GDF1: variants seen among roughly 807,000 people sequenced by gnomAD.
The protein encoded by GDF1 is embryonic growth/differentiation factor 1.
Under a neutral mutation model 7.4 loss-of-function variants are expected in GDF1, and 8 were observed. That is an observed-to-expected ratio of 1.09 (90% CI 0.64 to 1.96). GDF1 has a LOEUF of 1.96. Among genes scored for constraint, GDF1 ranks in the 30% most tolerant of loss-of-function variants. The probability of loss-of-function intolerance (pLI) is 0.00; values close to 1 mark genes in which losing one functional copy is unlikely to be tolerated. For missense variants in GDF1, 574 were observed against 551.5 expected (o/e 1.04, Z -0.41); for synonymous variants, 311 against 276.7 (o/e 1.12, Z -1.23).
intron 6 of GDF1, among the ~76,000 whole-genome samples, chr19:18,873,351 A>G (rs1319053338): frequency 6.6e-6 from 1 of 151,672 alleles, no homozygotes; most frequent in African/African-American, 2.4e-5. Flanking sequence ...CCCAGAAGAG[A>G]AGGAGGCCAG....
chr19:18,884,332 C>CG (rs2056295908), intron 2 of GDF1, 65 bp from the exon 3 acceptor site: 3 of 1,476,822 alleles, frequency 2.0e-6, no homozygotes, highest in Admixed American at 2.1e-5. Context: ...CTCCATGACC[C>CG]GGTGACACCC....
intron 4 of GDF1, among the ~76,000 whole-genome samples, chr19:18,879,844 C>T (rs1410003562): frequency 1.4e-5 from 2 of 147,138 alleles, no homozygotes; most frequent in Admixed American, 6.8e-5. Context: ...CCCTGCACAG[C>T]GCCTCCCTTT....
In GDF1 at chr19:18,886,275, C is replaced by T. The variant is rs537271171; in HGVS notation, c.-913-2008G>A. Among the ~76,000 whole-genome samples the T allele has an allele frequency of 1.4e-4, 21 of 152,158 alleles. No homozygotes were observed. The East Asian group carries it at 3.7e-3, about 27-fold the overall frequency. ...TATATAAAAATTAGCTGGGGCCGGG[C>T]GCAGTGGCTCACGCCTGTAATCCCA... is the stretch of plus-strand genomic sequence containing the variant. On this transcript the variant is annotated intron_variant, in intron 2 of 7. Transcript: ENST00000247005.
At chr19:18,871,667 C>T (rs186652782) in intron 6 of GDF1, among the ~76,000 whole-genome samples, 2 of 152,190 alleles carry the variant, frequency 1.3e-5, no homozygotes, top group South Asian at 2.1e-4. Flanking sequence ...CACTTTAATT[C>T]GCTCTTCTCT....
chr19:18,878,363 G>T lies in GDF1; in HGVS notation c.-313+567C>A. 6 of 986,200 alleles carry T rather than the reference G, an allele frequency of 6.1e-6. No homozygotes were observed. The highest frequency in any genetic ancestry group is 7.2e-6 in the Non-Finnish European group (6 of 830,752). 61.1% of individuals were successfully genotyped at this position (986,200 alleles called of 1,614,324 possible). A position where few individuals can be genotyped will look rare whatever the true frequency, so the allele number is the denominator to read the frequency against. On this transcript the variant is annotated intron_variant, in intron 6 of 7. Coordinates refer to ENST00000247005, the MANE Select transcript of GDF1 (RefSeq NM_001492.6). This position sits in a 1 kb window ranked among gnomAD's most constrained non-coding sequence, Gnocchi z 4.6. ...CTGTCACCCAGGGCTGGTGAGGCTC[G>T]TGGGCTATCTCCTTCCCCAGGACTC...
At position 18,895,901 on chromosome 19, in the gene GDF1, G is replaced by A; in HGVS notation, c.-1151C>T. ...CCGAGCGCCAGCAGCAGCAGCTCGG[G>A]CGGCGCCAGGTGCGCGTGCTCAGCC... On this transcript the variant is annotated 5_prime_UTR_variant, in exon 1 of 8. Coordinates refer to ENST00000247005, the MANE Select transcript of GDF1 (RefSeq NM_001492.6). The surrounding 1 kb of genome is among the most constrained non-coding windows in gnomAD (Gnocchi z 6.4). 3.2e-6 allele frequency: 4 copies of A among 1,258,842 alleles called. No homozygotes were observed. Among genetic ancestry groups the A allele is most frequent in the South Asian group, 2.2e-5 (1 of 44,774 alleles). 78.0% of individuals were successfully genotyped at this position (1,258,842 alleles called of 1,614,324 possible).
At chr19:18,879,067 G>A (rs766604679) in intron 5 of GDF1, 28 bp from the exon 6 acceptor site, 1 of 1,609,952 alleles carries the variant, frequency 6.2e-7, no homozygotes. Flanking sequence ...AGGTGCCAGT[G>A]AGAAGAAAGC....
chr19:18,879,192 G>A, intron 5 of GDF1, 49 bp downstream of exon 5: 1 of 1,609,950 alleles, frequency 6.2e-7, no homozygotes, highest in South Asian at 1.1e-5. Context: ...GACAGGGATT[G>A]GGACGAGGAC....
chr19:18,884,253 T>C lies in GDF1; in HGVS notation c.-899A>G. ...GCTGCAATGTCCCGTGGCACTGCCA[T>C]GCCCGGCGTCCAGTCTGGGGAGAGC... On this transcript the variant is annotated 5_prime_UTR_variant, in exon 3 of 8. The change abolishes an upstream ATG in the 5' untranslated region. Transcript: ENST00000247005. The C allele has an allele frequency of 2.5e-6, 4 of 1,612,560 alleles. No individual in the cohort carries two copies. Among genetic ancestry groups the C allele is most frequent in the Non-Finnish European group, 2.5e-6 (3 of 1,179,596 alleles).
At chr19:18,885,020 G>A (rs1020796758) in intron 2 of GDF1, among the ~76,000 whole-genome samples, 7 of 151,882 alleles carry the variant, frequency 4.6e-5, no homozygotes, top group Admixed American at 2.0e-4. Flanking sequence ...CCGGCCAGCA[G>A]GGATTTTTAT....
In GDF1 at chr19:18,886,276, G is replaced by A. The variant is rs188827722; in HGVS notation, c.-913-2009C>T. Among the ~76,000 whole-genome samples the A allele has an allele frequency of 7.1e-3, 1,075 of 152,096 alleles. 7 individuals are homozygous for A. The highest frequency in any genetic ancestry group is 0.024 in the Middle Eastern group (7 of 294). ...ATATAAAAATTAGCTGGGGCCGGGC[G>A]CAGTGGCTCACGCCTGTAATCCCAG... On this transcript the variant is annotated intron_variant, in intron 2 of 7. Transcript: ENST00000247005.
intron 6 of GDF1, among the ~76,000 whole-genome samples, chr19:18,872,565 G>A (rs1255627051): frequency 6.6e-6 from 1 of 151,916 alleles, no homozygotes; most frequent in Non-Finnish European, 1.5e-5. Flanking sequence ...CCCCAGGCGG[G>A]AATGCGGTGG....
chr19:18,879,059 G>A lies in GDF1; in HGVS notation c.-422-20C>T, dbSNP rs773625132. Reference sequence around the variant, plus strand: ...GATGTACTGCGAGAGGGGAGGGGAGGTGCCAGTGAGAAGAAAGCCCCCACG... The same window carrying A: ...GATGTACTGCGAGAGGGGAGGGGAGATGCCAGTGAGAAGAAAGCCCCCACG... On this transcript the variant is annotated intron_variant, in intron 5 of 7. Transcript: ENST00000247005. 7 of 1,611,496 alleles carry A rather than the reference G, an allele frequency of 4.3e-6. No homozygotes were observed. The highest frequency in any genetic ancestry group is 5.9e-6 in the Non-Finnish European group (7 of 1,179,324).
In GDF1 at chr19:18,870,726, CGGCCAGGCCCG is replaced by C; in HGVS notation, c.-312-118_-312-108del. ...TTCACACCCCCTGGCTCCTTTTACC[CGGCCAGGCCCG>C]GGCCTCGCCTTGTGGCTTCCTCCTC... On this transcript the variant is annotated intron_variant, in intron 6 of 7. Transcript: ENST00000247005. The surrounding 1 kb of genome is among the most constrained non-coding windows in gnomAD (Gnocchi z 5.1). 2.2e-6 allele frequency: 1 copy of C among 457,698 alleles called. No homozygotes were observed. The highest frequency in any genetic ancestry group is 4.0e-6 in the Non-Finnish European group (1 of 252,342). The allele number at this position is 457,698 out of a possible 1,614,324, so 28.4% of individuals were successfully genotyped here. A position where few individuals can be genotyped will look rare whatever the true frequency, so the allele number is the denominator to read the frequency against.
chr19:18,877,472 C>A (rs1035626300), intron 6 of GDF1, among the ~76,000 whole-genome samples: 1 of 152,196 alleles, frequency 6.6e-6, no homozygotes, highest in Non-Finnish European at 1.5e-5. Flanking sequence ...CGACTCAGGC[C>A]GGCTGCAGTG....
chr19:18,887,070 A>G (rs2146044863), intron 2 of GDF1, among the ~76,000 whole-genome samples: 1 of 152,382 alleles, frequency 6.6e-6, no homozygotes, highest in East Asian at 1.9e-4. Context: ...GTCCCTGTCT[A>G]CAGCAGCACA....
chr19:18,879,112 C>T (rs1460484392), intron 5 of GDF1, 73 bp from the exon 6 acceptor site: 4 of 1,588,792 alleles, frequency 2.5e-6, no homozygotes, highest in African/African-American at 2.7e-5. Context: ...GCCATGTGCT[C>T]CTGTCCCGGG....
chr19:18,884,303 G>A (rs752532705), intron 2 of GDF1, 36 bp from the exon 3 acceptor site: 13 of 1,572,880 alleles, frequency 8.3e-6, no homozygotes, highest in Admixed American at 3.6e-5. Context: ...AGGGCCCTGC[G>A]AAGCCTCTAG....
chr19:18,893,035 G>A (rs1343335737), intron 2 of GDF1, among the ~76,000 whole-genome samples: 1 of 151,794 alleles, frequency 6.6e-6, no homozygotes, highest in Non-Finnish European at 1.5e-5. Flanking sequence ...TCCTGCCTCA[G>A]CCTCCCGAGT....
Sources: allele counts gnomAD v4.1 joint callset (sites outside exome capture counted in the v4.1 genomes callset), GRCh38; gene constraint gnomAD v4.1.1; non-coding constraint Gnocchi (gnomAD v3.1); transcripts MANE v1.5; gene names NCBI Gene and HGNC (gene_info 2026-07-23, HGNC 2026-07-21).